OSBPL5: variants seen among roughly 807,000 people sequenced by gnomAD.
The protein encoded by OSBPL5 is oxysterol-binding protein-related protein 5.
In OSBPL5, 71 loss-of-function variants were observed where a neutral mutation model predicts 111.2. The observed-to-expected ratio is 0.64, with a 90% CI of 0.53 to 0.78. OSBPL5 has a LOEUF of 0.78. Among genes scored for constraint, OSBPL5 ranks in the 30% least tolerant of loss-of-function variants. The pLI is 0.00. For missense variants in OSBPL5, 1,210 were observed against 1,189.3 expected (o/e 1.02, Z -0.26); for synonymous variants, 549 against 513.9 (o/e 1.07, Z -0.93).
chr11:3,121,688 G>A lies in OSBPL5; in HGVS notation c.402+309C>T. The A allele has an allele frequency of 2.5e-6, 1 of 393,202 alleles. No homozygotes were observed. The highest frequency in any genetic ancestry group is 5.3e-5 in the East Asian group (1 of 18,912). 24.4% of individuals were successfully genotyped at this position (393,202 alleles called of 1,614,324 possible). A position where few individuals can be genotyped will look rare whatever the true frequency, so the allele number is the denominator to read the frequency against. ...AGCCAGAGCAATGTCTCCCTCCCCA[G>A]CGCCCTCCGCCCACTGGCCAGGCCC... On this transcript the variant is annotated intron_variant, in intron 5 of 21. Transcript: ENST00000263650. The surrounding 1 kb of genome is among the most constrained non-coding windows in gnomAD (Gnocchi z 4.3).
chr11:3,105,631 C>T lies in OSBPL5; in HGVS notation c.1060-1254G>A, dbSNP rs1857665792. 6.6e-6 allele frequency among the ~76,000 whole-genome samples: 1 copy of T among 152,150 alleles called. No homozygotes were observed. The highest frequency in any genetic ancestry group is 2.4e-5 in the African/African-American group (1 of 41,424). On this transcript the variant is annotated intron_variant, in intron 9 of 21. Coordinates refer to ENST00000263650, the MANE Select transcript of OSBPL5 (RefSeq NM_020896.4). The surrounding 1 kb of genome is among the most constrained non-coding windows in gnomAD (Gnocchi z 5.2). Reference sequence around the variant, plus strand: ...TGGTCCAGCAGCCATCCCTGCTTCTCATCCTGCCCCACCTCTCGGACCAGC... The same window carrying T: ...TGGTCCAGCAGCCATCCCTGCTTCTTATCCTGCCCCACCTCTCGGACCAGC...
intron 1 of OSBPL5, among the ~76,000 whole-genome samples, chr11:3,157,923 CTG>C (rs1846831183): frequency 6.6e-6 from 1 of 152,262 alleles, no homozygotes; most frequent in South Asian, 2.1e-4. Context: ...CAGCAGCACA[CTG>C]GGGCCAAGCA....
chr11:3,101,936 A>G (rs1197651789), intron 12 of OSBPL5, among the ~76,000 whole-genome samples: 2 of 152,114 alleles, frequency 1.3e-5, no homozygotes, highest in African/African-American at 4.8e-5. Context: ...GGGAGATGGG[A>G]CACACTGTCC....
In OSBPL5 at chr11:3,106,623, C is replaced by G. The variant is rs1432468164; in HGVS notation, c.1059+640G>C. ...CACTGCTGCCCACCGCCTGCTGCCTCCCTTGAGCTCGTGCGCTGGTGGTCC... is the reference window on the plus strand; with the variant it reads ...CACTGCTGCCCACCGCCTGCTGCCTGCCTTGAGCTCGTGCGCTGGTGGTCC... On this transcript the variant is annotated intron_variant, in intron 9 of 21. Coordinates refer to ENST00000263650, the MANE Select transcript of OSBPL5 (RefSeq NM_020896.4). This position sits in a 1 kb window ranked among gnomAD's most constrained non-coding sequence, Gnocchi z 8.4. 6.6e-6 allele frequency among the ~76,000 whole-genome samples: 1 copy of G among 152,234 alleles called. No homozygotes were observed. Among genetic ancestry groups the G allele is most frequent in the Admixed American group, 6.5e-5 (1 of 15,290 alleles).
chr11:3,158,800 A>T (rs1032201001), intron 1 of OSBPL5, among the ~76,000 whole-genome samples: 1 of 152,236 alleles, frequency 6.6e-6, no homozygotes, highest in Non-Finnish European at 1.5e-5. Flanking sequence ...GATATAAAAC[A>T]GCTCAAGGAG....
chr11:3,091,873 G>A (rs1857066056), intron 19 of OSBPL5, among the ~76,000 whole-genome samples: 1 of 152,184 alleles, frequency 6.6e-6, no homozygotes, highest in Non-Finnish European at 1.5e-5. Context: ...GCCGCGCTCT[G>A]CACCCTCTGC....
chr11:3,101,082 C>T (rs1857439121), intron 13 of OSBPL5, among the ~76,000 whole-genome samples: 1 of 150,166 alleles, frequency 6.7e-6, no homozygotes, highest in Non-Finnish European at 1.5e-5. Flanking sequence ...TCAAGCGATT[C>T]TCCTGCCTCA....
At position 3,093,660 on chromosome 11, in the gene OSBPL5, T is replaced by C; in HGVS notation, c.1813A>G (p.Arg605Gly). ...VLASLSGHWD[R>G]DVFIKEEGSG... ...CCTTCCTCCTTGATAAACACGTCCC[T>C]GTCCTGCCCCAGATGGCCAGCGGGG... The change falls in exon 17 of 22, where the codon AGG becomes GGG. Residue 605 changes from arginine to glycine, a missense_variant. By Grantham distance (125) the Arg-to-Gly change is moderately radical (BLOSUM62 -2). Transcript: ENST00000263650. The C allele has an allele frequency of 3.1e-6, 5 of 1,613,280 alleles. No individual in the cohort carries two copies. Among genetic ancestry groups the C allele is most frequent in the Non-Finnish European group, 4.2e-6 (5 of 1,179,954 alleles).
At position 3,103,216 on chromosome 11, in the gene OSBPL5, C is replaced by G. The variant is rs1369880941; in HGVS notation, c.1326+23G>C. The G allele has an allele frequency of 3.2e-6, 5 of 1,582,248 alleles. No individual in the cohort carries two copies. The South Asian group carries it at 4.6e-5, about 15-fold the overall frequency. ...CAGACTCCTGGGCCGGAGCCCCACC[C>G]TCCCTGGCTGGCAGGGGCTCACCTT... On this transcript the variant is annotated intron_variant, in intron 11 of 21. Transcript: ENST00000263650.
At chr11:3,093,161 C>A in intron 17 of OSBPL5, 109 bp from the exon 18 acceptor site, 7 of 1,140,132 alleles carry the variant, frequency 6.1e-6, no homozygotes, top group Non-Finnish European at 8.4e-6. Context: ...GCAACCTCTG[C>A]GTGATTGCCT....
chr11:3,093,374 G>A lies in OSBPL5; in HGVS notation c.1946+153C>T, dbSNP rs1857131679. 5 of 1,227,700 alleles carry A rather than the reference G, an allele frequency of 4.1e-6. No homozygotes were observed. In the East Asian group the frequency reaches 1.2e-4, roughly 30 times the overall value. The allele number at this position is 1,227,700 out of a possible 1,614,324, so 76.1% of individuals were successfully genotyped here. ...CCTTCCCTCCATCTGTCCTTTCCAGGACACGTGATCTGCCACCAGGGGTGC... is the reference window on the plus strand; with the variant it reads ...CCTTCCCTCCATCTGTCCTTTCCAGAACACGTGATCTGCCACCAGGGGTGC... On this transcript the variant is annotated intron_variant, in intron 17 of 21. Coordinates refer to ENST00000263650, the MANE Select transcript of OSBPL5 (RefSeq NM_020896.4).
At chr11:3,093,885 C>A (rs148559399) in intron 15 of OSBPL5, 50 bp from the exon 16 acceptor site, 29 of 1,566,656 alleles carry the variant, frequency 1.9e-5, no homozygotes, top group Non-Finnish European at 2.5e-5. Flanking sequence ...GCTGGGGCCT[C>A]CAGAATCACA....
intron 6 of OSBPL5, chr11:3,119,877 C>T (rs1395835106): frequency 1.9e-6 from 1 of 520,650 alleles, no homozygotes; most frequent in Admixed American, 3.9e-5. Context: ...CTCTGAGCCT[C>T]CTGACTTGGG....
chr11:3,157,287 C>A (rs1846801185), intron 1 of OSBPL5, among the ~76,000 whole-genome samples: 1 of 152,150 alleles, frequency 6.6e-6, no homozygotes, highest in Non-Finnish European at 1.5e-5. Flanking sequence ...AGCAGAGAGA[C>A]CCTGACCCGT....
rs935616299 is a variant in OSBPL5, at chr11:3,110,571, G to A, written c.692-2626C>T. ...GTTTCAATGGTGCCTGGTGTGAAAGGAAAATCTTGGGCCCCTCAAATCACT... is the reference window on the plus strand; with the variant it reads ...GTTTCAATGGTGCCTGGTGTGAAAGAAAAATCTTGGGCCCCTCAAATCACT... On this transcript the variant is annotated intron_variant, in intron 7 of 21. Transcript: ENST00000263650. The surrounding 1 kb of genome is among the most constrained non-coding windows in gnomAD (Gnocchi z 5.3). Among the ~76,000 whole-genome samples, 4 of 152,158 alleles carry A rather than the reference G, an allele frequency of 2.6e-5. No individual in the cohort carries two copies. Among genetic ancestry groups the A allele is most frequent in the Admixed American group, 2.6e-4 (4 of 15,270 alleles).
At chr11:3,103,763 A>C (rs9735712) in intron 10 of OSBPL5, among the ~76,000 whole-genome samples, 17,270 of 50,162 alleles carry the variant, frequency 0.34, 1,892 homozygotes, top group Admixed American at 0.44. Context: ...CCAGCTCTGC[A>C]GCCCCCTTCC....
Position 3,130,607 on chromosome 11 carries a change from C to T in OSBPL5, c.-21-1438G>A, listed in dbSNP as rs962498264. On this transcript the variant is annotated intron_variant, in intron 1 of 21. Coordinates refer to ENST00000263650, the MANE Select transcript of OSBPL5 (RefSeq NM_020896.4). This position sits in a 1 kb window ranked among gnomAD's most constrained non-coding sequence, Gnocchi z 4.5. Reference sequence around the variant, plus strand: ...CCCCTCCCTCACCTGGCCCCTGGCTCGGCTCATGACCTTGGCCATCTTACA... The same window carrying T: ...CCCCTCCCTCACCTGGCCCCTGGCTTGGCTCATGACCTTGGCCATCTTACA... 2.0e-5 allele frequency among the ~76,000 whole-genome samples: 3 copies of T among 152,224 alleles called. No homozygotes were observed. Among genetic ancestry groups the T allele is most frequent in the Non-Finnish European group, 2.9e-5 (2 of 68,036 alleles).
At position 3,110,492 on chromosome 11, in the gene OSBPL5, C is replaced by T. The variant is rs187351634; in HGVS notation, c.692-2547G>A. On this transcript the variant is annotated intron_variant, in intron 7 of 21. Coordinates refer to ENST00000263650, the MANE Select transcript of OSBPL5 (RefSeq NM_020896.4). The surrounding 1 kb of genome is among the most constrained non-coding windows in gnomAD (Gnocchi z 5.3). ...TAGCACTTTCTTGCTGGCAGTTTGCCTGTGCCTCAGTTTCCTGACCTGTCT... is the reference window on the plus strand; with the variant it reads ...TAGCACTTTCTTGCTGGCAGTTTGCTTGTGCCTCAGTTTCCTGACCTGTCT... Among the ~76,000 whole-genome samples, 3 of 152,330 alleles carry T rather than the reference C, an allele frequency of 2.0e-5. No homozygotes were observed. Among genetic ancestry groups the T allele is most frequent in the African/African-American group, 7.2e-5 (3 of 41,572 alleles).
intron 1 of OSBPL5, among the ~76,000 whole-genome samples, chr11:3,152,618 G>T (rs1293675101): frequency 6.6e-6 from 1 of 152,208 alleles, no homozygotes; most frequent in Non-Finnish European, 1.5e-5. Flanking sequence ...GATGGGCTCG[G>T]GCTCAGGCGA....
Sources: gnomAD v4.1 joint callset for allele counts (sites outside exome capture counted in the v4.1 genomes callset) on GRCh38, gnomAD v4.1.1 for gene constraint, Gnocchi (gnomAD v3.1) non-coding constraint, MANE v1.5 for transcripts, NCBI Gene and HGNC (gene_info 2026-07-23, HGNC 2026-07-21) for gene names.